ERI3: variants seen among roughly 807,000 people sequenced by gnomAD.
The protein encoded by ERI3 is ERI1 exoribonuclease 3.
A neutral mutation model predicts 44.4 loss-of-function variants in ERI3; 18 were observed. That is an observed-to-expected ratio of 0.41 (90% CI 0.28 to 0.60). ERI3 has a LOEUF of 0.60. Among genes scored for constraint, ERI3 ranks in the 20% least tolerant of loss-of-function variants. The probability of loss-of-function intolerance (pLI) is 0.36; values close to 1 mark genes in which losing one functional copy is unlikely to be tolerated. For missense variants in ERI3, 294 were observed against 435.5 expected (o/e 0.68, Z 2.89); for synonymous variants, 183 against 164.8 (o/e 1.11, Z -0.84).
At chr1:44,333,039 C>T (rs1646462913) in intron 3 of ERI3, among the ~76,000 whole-genome samples, 1 of 152,136 alleles carries the variant, frequency 6.6e-6, no homozygotes, top group South Asian at 2.1e-4. Context: ...AAAATTATTC[C>T]AGGAGTCGGG....
intron 8 of ERI3, among the ~76,000 whole-genome samples, chr1:44,245,995 A>G (rs539447954): frequency 1.3e-5 from 2 of 152,266 alleles, no homozygotes; most frequent in East Asian, 3.9e-4. Context: ...TTGAGCACCT[A>G]CTAAGAACTA....
chr1:44,251,579 G>T (rs1644680252), intron 7 of ERI3, among the ~76,000 whole-genome samples: 1 of 152,214 alleles, frequency 6.6e-6, no homozygotes. Context: ...ACCCTGGTGA[G>T]ATTGGAGGAG....
At chr1:44,332,920 A>C (rs1314532972) in intron 3 of ERI3, among the ~76,000 whole-genome samples, 1 of 152,244 alleles carries the variant, frequency 6.6e-6, no homozygotes, top group Non-Finnish European at 1.5e-5. Context: ...TCCCACCATC[A>C]CTGGCCATCA....
At chr1:44,308,171 C>G in intron 6 of ERI3, 139 bp downstream of exon 6, 1 of 690,892 alleles carries the variant, frequency 1.4e-6, no homozygotes, top group South Asian at 1.8e-5. Flanking sequence ...GGCTCCCAAC[C>G]GTCTTCTATC....
chr1:44,262,393 C>T (rs930296070), intron 7 of ERI3, among the ~76,000 whole-genome samples: 1 of 152,226 alleles, frequency 6.6e-6, no homozygotes, highest in Non-Finnish European at 1.5e-5. Context: ...CTTCTCCGGG[C>T]TCTGGAAGGC....
chr1:44,353,042 G>A, intron 1 of ERI3, 117 bp from the exon 2 acceptor site: 5 of 1,540,518 alleles, frequency 3.2e-6, no homozygotes, highest in Non-Finnish European at 4.4e-6. Flanking sequence ...TGCTATCTAT[G>A]TGCAAAGACA....
rs1037625056 is a variant in ERI3, at chr1:44,235,200, T to A, written c.931+12739A>T. Among the ~76,000 whole-genome samples the A allele has an allele frequency of 1.3e-5, 2 of 152,036 alleles. No individual in the cohort carries two copies. Among genetic ancestry groups the A allele is most frequent in the African/African-American group, 4.8e-5 (2 of 41,384 alleles). On this transcript the variant is annotated intron_variant, in intron 8 of 8. Transcript: ENST00000372257. This position sits in a 1 kb window ranked among gnomAD's most constrained non-coding sequence, Gnocchi z 4.6. ...TCAGCTCCCAATGCATCCAAACCCC[T>A]TTATAAAAGTCTGAGTTCTGGACCT...
At chr1:44,316,702 C>T (rs967691730) in intron 4 of ERI3, among the ~76,000 whole-genome samples, 5 of 152,188 alleles carry the variant, frequency 3.3e-5, no homozygotes, top group African/African-American at 1.2e-4. Flanking sequence ...AAATCTCACC[C>T]TTTATAAGTA....
At chr1:44,325,321 C>A (rs1218177871) in intron 3 of ERI3, among the ~76,000 whole-genome samples, 2 of 152,044 alleles carry the variant, frequency 1.3e-5, no homozygotes, top group African/African-American at 2.4e-5. Context: ...AAGATCCGCA[C>A]GCCTCGGTCT....
chr1:44,336,320 A>T (rs967293755), intron 3 of ERI3, among the ~76,000 whole-genome samples: 1 of 152,134 alleles, frequency 6.6e-6, no homozygotes, highest in African/African-American at 2.4e-5. Flanking sequence ...TGCAAACCTT[A>T]AAAAAGCTCT....
chr1:44,285,016 G>T, intron 6 of ERI3, 109 bp from the exon 7 acceptor site: 1 of 914,692 alleles, frequency 1.1e-6, no homozygotes, highest in Non-Finnish European at 1.7e-6. Flanking sequence ...ACCTCAAAAG[G>T]TCAACCCATT....
At chr1:44,237,727 T>C (rs1644336472) in intron 8 of ERI3, among the ~76,000 whole-genome samples, 1 of 152,170 alleles carries the variant, frequency 6.6e-6, no homozygotes, top group Admixed American at 6.5e-5. Flanking sequence ...GTGCACATGC[T>C]CAGGGTTTGT....
chr1:44,299,601 C>A (rs1163641088), intron 6 of ERI3, among the ~76,000 whole-genome samples: 1 of 152,132 alleles, frequency 6.6e-6, no homozygotes, highest in Non-Finnish European at 1.5e-5. Context: ...ACCAGTGGTT[C>A]CTTCTTGGAG....
intron 7 of ERI3, among the ~76,000 whole-genome samples, chr1:44,257,511 G>A (rs1490215777): frequency 6.6e-6 from 1 of 152,202 alleles, no homozygotes; most frequent in East Asian, 1.9e-4. Flanking sequence ...CCTGGGGGCA[G>A]AAGCCAAACA....
chr1:44,355,038 C>G lies in ERI3; in HGVS notation c.-12G>C, dbSNP rs779746367. 4 of 1,377,748 alleles carry G rather than the reference C, an allele frequency of 2.9e-6. No individual in the cohort carries two copies. Among genetic ancestry groups the G allele is most frequent in the Non-Finnish European group, 2.8e-6 (3 of 1,061,474 alleles). The allele number at this position is 1,377,748 out of a possible 1,614,324, so 85.3% of individuals were successfully genotyped here. The stretch of plus-strand genomic sequence containing the variant: ...GAGGCTGTCGCCATGGCAACGCCCC[C>G]TCCTCGGGGCCAGCGCGGCAGGCTC... On this transcript the variant is annotated 5_prime_UTR_variant, in exon 1 of 9. Coordinates refer to ENST00000372257, the MANE Select transcript of ERI3 (RefSeq NM_024066.3).
At chr1:44,271,505 G>A (rs1016153162) in intron 7 of ERI3, among the ~76,000 whole-genome samples, 1 of 152,160 alleles carries the variant, frequency 6.6e-6, no homozygotes, top group African/African-American at 2.4e-5. Context: ...TTAAGAGCAT[G>A]GACTCTGGAG....
At chr1:44,349,738 T>C (rs894602420) in intron 2 of ERI3, among the ~76,000 whole-genome samples, 4 of 152,226 alleles carry the variant, frequency 2.6e-5, no homozygotes, top group Admixed American at 2.0e-4. Flanking sequence ...TTTTACATTA[T>C]TAAATCCTTC....
intron 6 of ERI3, among the ~76,000 whole-genome samples, chr1:44,292,762 C>T (rs1645535105): frequency 6.6e-6 from 1 of 152,200 alleles, no homozygotes; most frequent in Admixed American, 6.5e-5. Context: ...TCTGGGACGG[C>T]TGCAGGTTAC....
chr1:44,286,823 C>G (rs1249915974), intron 6 of ERI3, among the ~76,000 whole-genome samples: 1 of 152,196 alleles, frequency 6.6e-6, no homozygotes, highest in Non-Finnish European at 1.5e-5. Flanking sequence ...CTTCCAAGAT[C>G]TGAGAGTCCA....
Sources: allele counts gnomAD v4.1 joint callset (sites outside exome capture counted in the v4.1 genomes callset), GRCh38; gene constraint gnomAD v4.1.1; non-coding constraint Gnocchi (gnomAD v3.1); transcripts MANE v1.5; gene names NCBI Gene and HGNC (gene_info 2026-07-23, HGNC 2026-07-21).